ZNF385B: variants seen among roughly 807,000 people sequenced by gnomAD.
The protein encoded by ZNF385B is zinc finger protein 533.
Under a neutral mutation model 39.2 loss-of-function variants are expected in ZNF385B, and 23 were observed. The ratio of observed to expected loss-of-function variants is 0.59; its 90% CI spans 0.42 to 0.83. ZNF385B has a LOEUF of 0.83. ZNF385B is among the 40% of genes least tolerant of loss of function. The pLI, the probability that ZNF385B is intolerant of heterozygous loss-of-function variation, is 0.00. For missense variants in ZNF385B, 552 were observed against 598.9 expected, an observed-to-expected ratio of 0.92 and a Z score of 0.82; for synonymous variants, 205 against 222.6, an observed-to-expected ratio of 0.92 and a Z score of 0.70.
intron 3 of ZNF385B, among the ~76,000 whole-genome samples, chr2:179,764,463 A>C (rs921604051): frequency 6.6e-6 from 1 of 151,820 alleles, no homozygotes; most frequent in African/African-American, 2.4e-5. Context: ...GTTAGCCTTT[A>C]AGTTTGACAT....
At chr2:179,464,821 G>A (rs761408652) in intron 6 of ZNF385B, among the ~76,000 whole-genome samples, 6 of 152,104 alleles carry the variant, frequency 3.9e-5, no homozygotes, top group Non-Finnish European at 7.4e-5. Flanking sequence ...GGATTGTCTT[G>A]GCTATGTGGG....
chr2:179,735,040 T>C (rs1417392592), intron 3 of ZNF385B, among the ~76,000 whole-genome samples: 2 of 151,874 alleles, frequency 1.3e-5, no homozygotes, highest in African/African-American at 4.8e-5. Context: ...TGGGATCTAA[T>C]TAAACTAAAG....
At chr2:179,579,495 T>C (rs1686233464) in intron 3 of ZNF385B, among the ~76,000 whole-genome samples, 2 of 152,164 alleles carry the variant, frequency 1.3e-5, no homozygotes, top group East Asian at 1.9e-4. Flanking sequence ...CTGCTAATTG[T>C]TAATTGCTTT....
rs1337588939 is a variant in ZNF385B at position 179,466,924 on chromosome 2, AAAAAAAAAAAAAAAAAAAAAGAG to A, written c.715+16325_715+16347del. 7.1e-4 allele frequency among the ~76,000 whole-genome samples: 104 copies of A among 145,790 alleles called. 1 individual carries two copies. The highest frequency in any genetic ancestry group is 2.5e-3 in the African/African-American group (98 of 39,426). On this transcript the variant is annotated intron_variant, in intron 6 of 9. Coordinates refer to ENST00000410066, the MANE Select transcript of ZNF385B (RefSeq NM_152520.6). Reference sequence around the variant, plus strand: ...AACAGAGCAAGACTGTCAAAAAAAAAAAAAAAAAAAAAAAAAAAAAGAGAGAGAGAAAGGGAAGGGAAGGGAAA... The same window carrying A: ...AACAGAGCAAGACTGTCAAAAAAAAAAGAGAGAAAGGGAAGGGAAGGGAAA...
At chr2:179,812,020 G>C (rs1332408392) in intron 1 of ZNF385B, among the ~76,000 whole-genome samples, 4 of 152,082 alleles carry the variant, frequency 2.6e-5, no homozygotes. Flanking sequence ...CATACAAGTG[G>C]CCAATAAACT....
At chr2:179,443,499 G>T in intron 9 of ZNF385B, 31 bp from the exon 10 acceptor site, 1 of 1,528,462 alleles carries the variant, frequency 6.5e-7, no homozygotes, top group Non-Finnish European at 8.9e-7. Context: ...GGAATGGGGT[G>T]GAGATCCTGT....
At chr2:179,796,472 A>G (rs1323174664) in intron 1 of ZNF385B, among the ~76,000 whole-genome samples, 7 of 152,158 alleles carry the variant, frequency 4.6e-5, no homozygotes, top group Admixed American at 4.6e-4. Flanking sequence ...TAAAGACAGC[A>G]GTCCATTTGA....
In ZNF385B at chr2:179,736,104, A is replaced by T. The variant is rs1264478514; in HGVS notation, c.298+33399T>A. ...TAAATATATTTAAATGTGAAAAAGA[A>T]AAATAAATACCTTGGCCAGCAAGAA... On this transcript the variant is annotated intron_variant, in intron 3 of 9. Coordinates refer to ENST00000410066, the MANE Select transcript of ZNF385B (RefSeq NM_152520.6). 2.6e-5 allele frequency among the ~76,000 whole-genome samples: 4 copies of T among 152,278 alleles called. No homozygotes were observed. In the East Asian group the frequency reaches 7.7e-4, roughly 29 times the overall value.
chr2:179,489,674 C>A lies in ZNF385B; in HGVS notation c.553-6240G>T, dbSNP rs2054990608. On this transcript the variant is annotated intron_variant, in intron 5 of 9. Coordinates refer to ENST00000410066, the MANE Select transcript of ZNF385B (RefSeq NM_152520.6). ...TATTTCTGGCATTCATAAGATCACA[C>A]ACTCTCAGAGACAAAGCTACAATAT... Among the ~76,000 whole-genome samples the A allele has an allele frequency of 2.0e-5, 3 of 152,180 alleles. No homozygotes were observed. In the South Asian group the frequency reaches 6.2e-4, roughly 32 times the overall value.
At chr2:179,492,104 C>A (rs1229464436) in intron 5 of ZNF385B, among the ~76,000 whole-genome samples, 1 of 152,152 alleles carries the variant, frequency 6.6e-6, no homozygotes, top group Non-Finnish European at 1.5e-5. Context: ...AATTGCCCAT[C>A]TCCCTCAAAT....
chr2:179,684,570 A>G (rs529237045), intron 3 of ZNF385B, among the ~76,000 whole-genome samples: 18 of 152,316 alleles, frequency 1.2e-4, no homozygotes, highest in Admixed American at 3.9e-4. Flanking sequence ...AATAATTTAC[A>G]CTCACATCTA....
At position 179,483,309 on chromosome 2, in the gene ZNF385B, G is replaced by A. The variant is rs545439501; in HGVS notation, c.678C>T (p.Ser226=). Residue 226 remains serine, a synonymous_variant, in exon 6 of 10, where the codon TCC becomes TCT. Transcript: ENST00000410066. The stretch of plus-strand genomic sequence containing the variant: ...AGTTGTTGCCTGTGATTGGAGTGAT[G>A]GAGCAGCTGGGATTAGCCTTTGCGC... ...KDSAKANPSC[S]ITPITGNNSD... The A allele has an allele frequency of 1.2e-6, 2 of 1,613,946 alleles. No individual in the cohort carries two copies. Among genetic ancestry groups the A allele is most frequent in the South Asian group, 2.2e-5 (2 of 91,080 alleles).
intron 3 of ZNF385B, among the ~76,000 whole-genome samples, chr2:179,679,414 A>G (rs751649636): frequency 1.2e-4 from 18 of 152,174 alleles, no homozygotes; most frequent in South Asian, 2.1e-4. Context: ...AAATACTTCT[A>G]ATCTGGCAAA....
intron 4 of ZNF385B, among the ~76,000 whole-genome samples, chr2:179,532,081 G>A (rs2059287428): frequency 6.6e-6 from 1 of 152,174 alleles, no homozygotes; most frequent in Non-Finnish European, 1.5e-5. Flanking sequence ...ATAAGGCTCT[G>A]TTAATGGTTC....
At chr2:179,507,333 G>A (rs999717582) in intron 5 of ZNF385B, among the ~76,000 whole-genome samples, 2 of 152,080 alleles carry the variant, frequency 1.3e-5, no homozygotes, top group African/African-American at 2.4e-5. Flanking sequence ...ACAAGCCCTG[G>A]TTTAGCTCTA....
At chr2:179,572,877 A>G (rs1234786835) in intron 3 of ZNF385B, among the ~76,000 whole-genome samples, 2 of 152,238 alleles carry the variant, frequency 1.3e-5, no homozygotes, top group African/African-American at 4.8e-5. Context: ...GCAGACAAAC[A>G]ACAGCCATGA....
At chr2:179,522,010 TA>T (rs2058542852) in intron 4 of ZNF385B, among the ~76,000 whole-genome samples, 1 of 152,226 alleles carries the variant, frequency 6.6e-6, no homozygotes, top group Admixed American at 6.5e-5. Flanking sequence ...TTTTTATATT[TA>T]AATGTCATTT....
At chr2:179,718,496 A>G (rs1196513009) in intron 3 of ZNF385B, among the ~76,000 whole-genome samples, 1 of 147,944 alleles carries the variant, frequency 6.8e-6, no homozygotes, top group Non-Finnish European at 1.5e-5. Flanking sequence ...TATATATTAT[A>G]TATAATCATT....
At chr2:179,577,018 A>G (rs1025478290) in intron 3 of ZNF385B, among the ~76,000 whole-genome samples, 1 of 152,198 alleles carries the variant, frequency 6.6e-6, no homozygotes, top group Non-Finnish European at 1.5e-5. Flanking sequence ...CATTCCTCAG[A>G]TAAGATATAA....
Sources: allele counts gnomAD v4.1 joint callset (sites outside exome capture counted in the v4.1 genomes callset), GRCh38; gene constraint gnomAD v4.1.1; transcripts MANE v1.5; gene names NCBI Gene and HGNC (gene_info 2026-07-23, HGNC 2026-07-21).